The following FRMPD4 variants were observed in gnomAD, a reference collection of about 807,000 sequenced individuals.
The protein encoded by FRMPD4 is FERM and PDZ domain containing 4.
FRMPD4 carries 22 observed loss-of-function variants against 94.1 expected under a neutral mutation model. The observed-to-expected ratio is 0.23, with a 90% CI of 0.17 to 0.33. The LOEUF (loss-of-function observed/expected upper bound fraction) is 0.33. Ranked by LOEUF, FRMPD4 falls within the 10% of genes least tolerant of loss-of-function variation. FRMPD4 has a pLI of 1.00. For synonymous variants in FRMPD4, 631 were observed against 548.6 expected (o/e 1.15, Z -2.10); for missense variants, 1,111 against 1,339.9 (o/e 0.83, Z 2.67).
At chrX:12,310,579 A>T (rs932357909) in intron 1 of FRMPD4, among the ~76,000 whole-genome samples, 3 of 112,256 alleles carry the variant, frequency 2.7e-5, no homozygotes, top group African/African-American at 9.7e-5. Context: ...TTCTTGAGGT[A>T]TATCCAGCAT....
At chrX:12,403,557 C>T (rs1474400929) in intron 1 of FRMPD4, among the ~76,000 whole-genome samples, 4 of 110,724 alleles carry the variant, frequency 3.6e-5, no homozygotes, top group African/African-American at 1.3e-4. Context: ...TCTCCCTGCC[C>T]GCCGCCCACC....
intron 4 of FRMPD4, among the ~76,000 whole-genome samples, chrX:12,624,704 C>G (rs761098231): frequency 2.1e-4 from 23 of 111,338 alleles, no homozygotes; most frequent in African/African-American, 7.5e-4. Flanking sequence ...ATACTCCAAC[C>G]TTTGTATAAT....
chrX:11,886,449 G>A (rs894958630), intron 3 of FRMPD4, among the ~76,000 whole-genome samples: 6 of 111,370 alleles, frequency 5.4e-5, no homozygotes, highest in Admixed American at 4.8e-4. Flanking sequence ...TCTTTCCCCA[G>A]GCAATTCAAT....
intron 1 of FRMPD4, among the ~76,000 whole-genome samples, chrX:12,215,254 T>G (rs1202567047): frequency 9.0e-6 from 1 of 111,544 alleles, no homozygotes; most frequent in African/African-American, 3.3e-5. Flanking sequence ...TCCAAGAAAC[T>G]TGTTCAATGA....
chrX:11,833,315 G>T (rs767543167), intron 1 of FRMPD4, among the ~76,000 whole-genome samples: 1 of 112,215 alleles, frequency 8.9e-6, no homozygotes, highest in Non-Finnish European at 1.9e-5. Flanking sequence ...TCTGTGTGCA[G>T]GTTTTGTGTG....
Position 12,393,387 on chromosome X carries a change from T to C in FRMPD4, c.42-105293T>C, listed in dbSNP as rs1335301892. ...TTGTCTTTTATTTCTATTTTCCTAA[T>C]AGAATTTTCGTGACCACAGAGGTAA... On this transcript the variant is annotated intron_variant, in intron 1 of 16. Coordinates refer to ENST00000675598, the MANE Select transcript of FRMPD4 (RefSeq NM_001368397.1). Among the ~76,000 whole-genome samples, 6 of 112,424 alleles carry C rather than the reference T, an allele frequency of 5.3e-5. No homozygotes were observed. In the East Asian group the frequency reaches 1.4e-3, roughly 26 times the overall value.
At chrX:12,476,641 A>G (rs2057602996) in intron 1 of FRMPD4, among the ~76,000 whole-genome samples, 1 of 112,378 alleles carries the variant, frequency 8.9e-6, no homozygotes, top group Non-Finnish European at 1.9e-5. Flanking sequence ...AACCCCATCA[A>G]GAAGTGGACG....
intron 1 of FRMPD4, among the ~76,000 whole-genome samples, chrX:12,298,929 T>C (rs1391025444): frequency 4.5e-5 from 5 of 111,686 alleles, no homozygotes; most frequent in African/African-American, 6.5e-5. Context: ...AATCTATCCA[T>C]AGAGCATGGC....
intron 2 of FRMPD4, among the ~76,000 whole-genome samples, chrX:12,503,045 G>C (rs2057941299): frequency 8.9e-6 from 1 of 112,383 alleles, no homozygotes; most frequent in African/African-American, 3.2e-5. Flanking sequence ...TTGTTTGACT[G>C]CAAAGGTAGG....
At chrX:12,300,493 G>A (rs1428645254) in intron 1 of FRMPD4, among the ~76,000 whole-genome samples, 1 of 112,051 alleles carries the variant, frequency 8.9e-6, no homozygotes, top group Non-Finnish European at 1.9e-5. Flanking sequence ...ACTCTTTCTG[G>A]CCTTCAGATG....
intron 4 of FRMPD4, among the ~76,000 whole-genome samples, chrX:12,644,391 A>G (rs753554310): frequency 6.3e-5 from 7 of 111,997 alleles, no homozygotes; most frequent in Non-Finnish European, 5.6e-5. Context: ...ATCTTTAGGG[A>G]CATACAATAT....
At chrX:11,859,763 A>G (rs1368057733) in intron 1 of FRMPD4, among the ~76,000 whole-genome samples, 2 of 111,846 alleles carry the variant, frequency 1.8e-5, no homozygotes, top group Non-Finnish European at 3.8e-5. Flanking sequence ...TTTCAGTTAC[A>G]TTAAGTGGTT....
At chrX:12,529,166 A>C (rs779543635) in intron 2 of FRMPD4, among the ~76,000 whole-genome samples, 1 of 112,071 alleles carries the variant, frequency 8.9e-6, no homozygotes, top group South Asian at 3.7e-4. Flanking sequence ...ATCTGCTTCC[A>C]AGCTCACTCA....
At chrX:11,824,109 A>G (rs777950525) in intron 1 of FRMPD4, among the ~76,000 whole-genome samples, 122 of 111,866 alleles carry the variant, frequency 1.1e-3, no homozygotes, top group African/African-American at 3.8e-3. Context: ...CGTCTTAATC[A>G]TAGTATGCCT....
chrX:12,689,431 C>T (rs948852377), intron 7 of FRMPD4, among the ~76,000 whole-genome samples: 6 of 112,007 alleles, frequency 5.4e-5, no homozygotes, highest in African/African-American at 1.9e-4. Flanking sequence ...TCTTTATATC[C>T]GTTCTGAGAT....
intron 3 of FRMPD4, among the ~76,000 whole-genome samples, chrX:12,086,089 A>ATGTG (rs766015576): frequency 0.12 from 7,359 of 62,603 alleles, 288 homozygotes; most frequent in East Asian, 0.29. Context: ...GTGTGTGTGT[A>ATGTG]TGTGTGTGTG....
At chrX:12,538,901 T>TC (rs1249891880) in intron 2 of FRMPD4, among the ~76,000 whole-genome samples, 2 of 111,512 alleles carry the variant, frequency 1.8e-5, no homozygotes, top group Non-Finnish European at 3.8e-5. Context: ...AGAGCGACTC[T>TC]CCCCCTCCAA....
At chrX:11,893,882 C>T (rs1022840860) in intron 3 of FRMPD4, among the ~76,000 whole-genome samples, 1 of 111,953 alleles carries the variant, frequency 8.9e-6, no homozygotes, top group African/African-American at 3.2e-5. Context: ...GCACACACAT[C>T]TTGCCCCAAT....
intron 2 of FRMPD4, among the ~76,000 whole-genome samples, chrX:11,873,471 T>C (rs778016462): frequency 1.8e-5 from 2 of 111,027 alleles, no homozygotes; most frequent in South Asian, 7.6e-4. Context: ...CATCAAGATA[T>C]GAAATACTTA....
Sources: allele counts gnomAD v4.1 joint callset (sites outside exome capture counted in the v4.1 genomes callset), GRCh38; gene constraint gnomAD v4.1.1; transcripts MANE v1.5; gene names NCBI Gene and HGNC (gene_info 2026-07-23, HGNC 2026-07-21).